SGCZ: variants seen among roughly 807,000 people sequenced by gnomAD.
SGCZ encodes sarcoglycan zeta, also known as zeta-sarcoglycan.
A neutral mutation model predicts 41.3 loss-of-function variants in SGCZ; 40 were observed. That is an observed-to-expected ratio of 0.97 (90% confidence interval 0.75 to 1.26). The LOEUF is 1.26. Among genes scored for constraint, SGCZ ranks in the 50% most tolerant of loss-of-function variants. The pLI is 0.00. For missense variants in SGCZ, 552 were observed against 369.8 expected, an observed-to-expected ratio of 1.49 and a Z score of -4.04; for synonymous variants, 206 against 137.5, an observed-to-expected ratio of 1.50 and a Z score of -3.49.
chr8:15,145,005 T>C (rs1799000295), intron 1 of SGCZ, among the ~76,000 whole-genome samples: 1 of 152,232 alleles, frequency 6.6e-6, no homozygotes, highest in Non-Finnish European at 1.5e-5. Context: ...TGATTTTAGC[T>C]GTTTAGCCCT....
intron 3 of SGCZ, among the ~76,000 whole-genome samples, chr8:14,266,222 G>GA (rs2117249453): frequency 6.6e-6 from 1 of 152,106 alleles, no homozygotes; most frequent in African/African-American, 2.4e-5. Context: ...CATATAAATT[G>GA]AACCAAAATG....
At chr8:14,213,568 G>C (rs1253864425) in intron 4 of SGCZ, among the ~76,000 whole-genome samples, 1 of 151,742 alleles carries the variant, frequency 6.6e-6, no homozygotes, top group African/African-American at 2.4e-5. Context: ...TTTCCAAACA[G>C]ATAAGCTATG....
intron 2 of SGCZ, among the ~76,000 whole-genome samples, chr8:14,442,703 G>C (rs1258997848): frequency 1.3e-5 from 2 of 152,122 alleles, no homozygotes. Context: ...ACTACAGTAA[G>C]TCTCACCCAG....
intron 1 of SGCZ, among the ~76,000 whole-genome samples, chr8:14,907,002 T>A (rs1212763541): frequency 6.6e-6 from 1 of 152,168 alleles, no homozygotes; most frequent in Admixed American, 6.5e-5. Flanking sequence ...TTAAATCATA[T>A]CCCATAAACA....
At chr8:14,452,103 A>G (rs962509002) in intron 2 of SGCZ, among the ~76,000 whole-genome samples, 9 of 152,228 alleles carry the variant, frequency 5.9e-5, no homozygotes, top group African/African-American at 2.2e-4. Flanking sequence ...AGATGAGTGG[A>G]TACACAGGGA....
At chr8:15,190,186 C>T (rs951795584) in intron 1 of SGCZ, among the ~76,000 whole-genome samples, 2 of 152,152 alleles carry the variant, frequency 1.3e-5, no homozygotes, top group African/African-American at 4.8e-5. Context: ...ACGGCAAAAT[C>T]CTTGGCTCAT....
chr8:14,800,695 G>T (rs1361085933), intron 1 of SGCZ, among the ~76,000 whole-genome samples: 1 of 151,994 alleles, frequency 6.6e-6, no homozygotes, highest in Non-Finnish European at 1.5e-5. Flanking sequence ...TTCCCCTTCT[G>T]CCATGATTGT....
chr8:14,479,727 AC>A (rs1801469884), intron 2 of SGCZ, among the ~76,000 whole-genome samples: 1 of 109,390 alleles, frequency 9.1e-6, no homozygotes, highest in African/African-American at 3.8e-5. Context: ...CCAGAATTCT[AC>A]TTCTTTTTTT....
Position 14,701,672 on chromosome 8 carries a change from G to A in SGCZ, c.40-146746C>T, listed in dbSNP as rs145045461. ...TTCTCTTCTTTTCTTACGGCCCAAT[G>A]TCTTGTTCTGTGTCCCACTGAGAAA... is the stretch of plus-strand genomic sequence containing the variant. On this transcript the variant is annotated intron_variant, in intron 1 of 7. Coordinates refer to ENST00000382080, the MANE Select transcript of SGCZ (RefSeq NM_139167.4). Among the ~76,000 whole-genome samples, 308 of 151,822 alleles carry A rather than the reference G, an allele frequency of 2.0e-3. 1 individual carries two copies. The highest frequency in any genetic ancestry group is 7.2e-3 in the African/African-American group (297 of 41,414).
chr8:14,785,492 G>C (rs919209567), intron 1 of SGCZ, among the ~76,000 whole-genome samples: 1 of 151,812 alleles, frequency 6.6e-6, no homozygotes, highest in Non-Finnish European at 1.5e-5. Context: ...AGTGACTATC[G>C]AAAAATACCC....
At chr8:15,154,376 T>A (rs187667807) in intron 1 of SGCZ, among the ~76,000 whole-genome samples, 13 of 152,266 alleles carry the variant, frequency 8.5e-5, no homozygotes, top group African/African-American at 3.1e-4. Flanking sequence ...CCACCCAGCT[T>A]TTGCTCAGCC....
At chr8:15,136,894 C>A (rs1808128418) in intron 1 of SGCZ, among the ~76,000 whole-genome samples, 1 of 152,112 alleles carries the variant, frequency 6.6e-6, no homozygotes. Context: ...GGAAAATGTG[C>A]AAGCAGCTTT....
chr8:14,961,405 A>C (rs186119733), intron 1 of SGCZ, among the ~76,000 whole-genome samples: 1 of 152,220 alleles, frequency 6.6e-6, no homozygotes, highest in African/African-American at 2.4e-5. Context: ...TGTGTATTAC[A>C]GTAGATTCTC....
rs565395735 is a variant in SGCZ at position 14,928,243 on chromosome 8, T to C, written c.39+309342A>G. On this transcript the variant is annotated intron_variant, in intron 1 of 7. Coordinates refer to ENST00000382080, the MANE Select transcript of SGCZ (RefSeq NM_139167.4). The stretch of plus-strand genomic sequence containing the variant: ...AGACTGATTACATAAAATATTTCAA[T>C]CAGAATGTTGGCATAGGACTTCTAG... Among the ~76,000 whole-genome samples the C allele has an allele frequency of 5.3e-5, 8 of 152,300 alleles. No homozygotes were observed. In the South Asian group the frequency reaches 1.7e-3, roughly 32 times the overall value.
intron 2 of SGCZ, among the ~76,000 whole-genome samples, chr8:14,369,090 T>C (rs1265314327): frequency 6.6e-6 from 1 of 151,646 alleles, no homozygotes; most frequent in Non-Finnish European, 1.5e-5. Context: ...TCTTATTAAA[T>C]ATAGTACAAA....
chr8:14,454,967 G>C (rs375010090), intron 2 of SGCZ, among the ~76,000 whole-genome samples: 13 of 152,170 alleles, frequency 8.5e-5, no homozygotes, highest in African/African-American at 2.9e-4. Context: ...AGTTGGTGTA[G>C]GAAAAGTATT....
intron 1 of SGCZ, among the ~76,000 whole-genome samples, chr8:14,723,086 A>G (rs2175282): frequency 0.023 from 3,461 of 152,238 alleles, 49 homozygotes; most frequent in South Asian, 0.07. Flanking sequence ...GAAATGCACA[A>G]ATATTAAGTC....
chr8:14,983,924 ACT>A (rs1801750691), intron 1 of SGCZ, among the ~76,000 whole-genome samples: 1 of 151,882 alleles, frequency 6.6e-6, no homozygotes, highest in African/African-American at 2.4e-5. Flanking sequence ...TGTACCACAA[ACT>A]CTTATTATCT....
Position 14,088,330 on chromosome 8 carries a change from C to T in SGCZ, c.*2113G>A, listed in dbSNP as rs956689205. Among the ~76,000 whole-genome samples the T allele has an allele frequency of 6.6e-6, 1 of 151,776 alleles. No individual in the cohort carries two copies. The highest frequency in any genetic ancestry group is 1.5e-5 in the Non-Finnish European group (1 of 67,834). On this transcript the variant is annotated 3_prime_UTR_variant, in exon 8 of 8. Coordinates refer to ENST00000382080, the MANE Select transcript of SGCZ (RefSeq NM_139167.4). ...AGACAGCTGAGATTAGAAACAGGGC[C>T]AGTTCCTAATCAAAAGAATTATTCC... is the stretch of plus-strand genomic sequence containing the variant.
Sources: gnomAD v4.1 joint callset for allele counts (sites outside exome capture counted in the v4.1 genomes callset) on GRCh38, gnomAD v4.1.1 for gene constraint, MANE v1.5 for transcripts, NCBI Gene and HGNC (gene_info 2026-07-23, HGNC 2026-07-21) for gene names.